KCNC4: variants seen among roughly 807,000 people sequenced by gnomAD.
KCNC4 encodes voltage-gated potassium channel KCNC4.
Under a neutral mutation model 42.8 loss-of-function variants are expected in KCNC4, and 23 were observed. That is an observed-to-expected ratio of 0.54 (90% CI 0.39 to 0.76). KCNC4 has a LOEUF of 0.76. KCNC4 is among the 30% of genes least tolerant of loss of function. The probability of loss-of-function intolerance (pLI) is 0.00; values close to 1 mark genes in which losing one functional copy is unlikely to be tolerated. For missense variants in KCNC4, 751 were observed against 898.2 expected (o/e 0.84, Z 2.10); for synonymous variants, 422 against 393.5 (o/e 1.07, Z -0.86).
chr1:110,240,308 A>C (rs1659002639), exon 4 of KCNC4: 1 of 152,132 alleles, frequency 6.6e-6, no homozygotes, highest in East Asian at 1.9e-4. Context: ...GGCTGCCCGG[A>C]GCAGGAGAGA....
In KCNC4 at chr1:110,233,414, G is replaced by T; in HGVS notation, c.*442G>T. On this transcript the variant is annotated 3_prime_UTR_variant, in exon 4 of 4. Coordinates refer to ENST00000438661, the MANE Select transcript of KCNC4 (RefSeq NM_001039574.3). ...TGGGTAGTCCCAGGCTCCTGTCTTG[G>T]GGATGTTTCCCCTGTCAGCAAGTAA... 4.7e-6 allele frequency: 1 copy of T among 212,410 alleles called. No homozygotes were observed. The highest frequency in any genetic ancestry group is 7.7e-5 in the South Asian group (1 of 13,064). 13.2% of individuals were successfully genotyped at this position (212,410 alleles called of 1,614,324 possible).
intron 1 of KCNC4, among the ~76,000 whole-genome samples, chr1:110,213,002 A>G (rs1239116147): frequency 2.0e-5 from 3 of 151,930 alleles, no homozygotes; most frequent in Non-Finnish European, 4.4e-5. Flanking sequence ...CTTTCCAGAA[A>G]GCCCTGGTTC....
chr1:110,247,437 T>A (rs372178561), exon 4 of KCNC4: 5 of 152,440 alleles, frequency 3.3e-5, no homozygotes, highest in African/African-American at 1.2e-4. Flanking sequence ...CTGGAACTTC[T>A]GGGCTTGGGC....
At chr1:110,239,146 A>C (rs985913025) in exon 4 of KCNC4, 1 of 152,272 alleles carries the variant, frequency 6.6e-6, no homozygotes, top group Non-Finnish European at 1.5e-5. Context: ...CTTCGTGTAC[A>C]ATCCAGACTC....
At chr1:110,235,177 G>A (rs572154249), downstream of KCNC4, 2 of 152,440 alleles carry the variant, frequency 1.3e-5, no homozygotes, top group South Asian at 2.1e-4. Flanking sequence ...AATGGCCGAG[G>A]AGAGGGAAGA....
chr1:110,226,298 T>C (rs1658392657), intron 3 of KCNC4, 120 bp downstream of exon 3: 1 of 763,636 alleles, frequency 1.3e-6, no homozygotes, highest in African/African-American at 1.7e-5. Context: ...TCCTCTGCCT[T>C]GGATGCACCC....
chr1:110,283,485 G>A (rs1161762025), downstream of KCNC4, among the ~76,000 whole-genome samples: 3 of 152,122 alleles, frequency 2.0e-5, no homozygotes, highest in Non-Finnish European at 4.4e-5. Flanking sequence ...TGTGATTAAC[G>A]ATGTCTGGTC....
chr1:110,214,395 G>A (rs182355626), intron 1 of KCNC4, among the ~76,000 whole-genome samples: 3 of 152,262 alleles, frequency 2.0e-5, no homozygotes, highest in African/African-American at 7.2e-5. Flanking sequence ...AAGAGGACTT[G>A]CCTCCTGCTC....
chr1:110,250,372 A>G (rs1659229797), downstream of KCNC4, among the ~76,000 whole-genome samples: 1 of 152,158 alleles, frequency 6.6e-6, no homozygotes. Flanking sequence ...AAGCTCCCTG[A>G]GGGCACAGTT....
intron 3 of KCNC4, among the ~76,000 whole-genome samples, chr1:110,230,746 A>G (rs1209522769): frequency 6.6e-6 from 1 of 152,202 alleles, no homozygotes; most frequent in African/African-American, 2.4e-5. Flanking sequence ...GATAGAACCC[A>G]GATAGCAGGA....
At chr1:110,261,641 T>C (rs906530749) in intron 1 of KCNC4, among the ~76,000 whole-genome samples, 1 of 152,196 alleles carries the variant, frequency 6.6e-6, no homozygotes, top group Admixed American at 6.5e-5. Context: ...GTTACAAAGA[T>C]AGAACCACAC....
intron 1 of KCNC4, among the ~76,000 whole-genome samples, chr1:110,275,382 G>A (rs974332010): frequency 3.9e-5 from 6 of 152,124 alleles, no homozygotes; most frequent in Non-Finnish European, 5.9e-5. Flanking sequence ...AGGATGCAGA[G>A]AACAAGGAAT....
chr1:110,224,814 T>C (rs1486954610), intron 2 of KCNC4: 1 of 152,280 alleles, frequency 6.6e-6, no homozygotes, highest in East Asian at 1.9e-4. Flanking sequence ...GGGAAAGGTA[T>C]GGAATTCCTG....
intron 1 of KCNC4, among the ~76,000 whole-genome samples, chr1:110,214,051 C>G (rs1179690552): frequency 6.6e-6 from 1 of 152,184 alleles, no homozygotes; most frequent in African/African-American, 2.4e-5. Context: ...TTCTTCCTAA[C>G]TCACTGCTGA....
At chr1:110,268,951 C>T (rs1409662810) in intron 1 of KCNC4, among the ~76,000 whole-genome samples, 1 of 151,848 alleles carries the variant, frequency 6.6e-6, no homozygotes, top group Admixed American at 6.6e-5. Context: ...CTCCTGACCT[C>T]GTGATCCGCC....
chr1:110,233,252 T>G lies in KCNC4; in HGVS notation c.*280T>G, dbSNP rs1415904728. The G allele has an allele frequency of 9.2e-6, 5 of 544,520 alleles. No homozygotes were observed. The highest frequency in any genetic ancestry group is 4.9e-4 in the Middle Eastern group (1 of 2,026). The allele number at this position is 544,520 out of a possible 1,614,324, so 33.7% of individuals were successfully genotyped here. On this transcript the variant is annotated 3_prime_UTR_variant, in exon 4 of 4. Transcript: ENST00000438661. ...GTGCACGTGCTATTGGTGGTTTGTC[T>G]TCTTTGTTAGGCTGTGTCTCCCTAA...
chr1:110,257,823 A>G (rs183716171), intron 1 of KCNC4, among the ~76,000 whole-genome samples: 25 of 151,556 alleles, frequency 1.6e-4, no homozygotes, highest in Admixed American at 5.3e-4. Context: ...AGCTTTCTGC[A>G]TCACTGACTT....
At chr1:110,229,742 G>A (rs1342902108) in intron 3 of KCNC4, among the ~76,000 whole-genome samples, 2 of 152,136 alleles carry the variant, frequency 1.3e-5, no homozygotes, top group Non-Finnish European at 2.9e-5. Context: ...GGAAGTGTGG[G>A]GACAGAAGCC....
chr1:110,216,539 G>A (rs1281680217), intron 1 of KCNC4, among the ~76,000 whole-genome samples: 1 of 152,218 alleles, frequency 6.6e-6, no homozygotes, highest in Non-Finnish European at 1.5e-5. Context: ...AGGTGTTTCT[G>A]GTTGTCACAT....
Sources: gnomAD v4.1 joint callset for allele counts (sites outside exome capture counted in the v4.1 genomes callset) on GRCh38, gnomAD v4.1.1 for gene constraint, MANE v1.5 for transcripts, NCBI Gene and HGNC (gene_info 2026-07-23, HGNC 2026-07-21) for gene names.